NBEAL1: variants seen among roughly 807,000 people sequenced by gnomAD.
NBEAL1 encodes the protein neurobeachin-like protein 1.
NBEAL1 carries 273 observed loss-of-function variants against 351.3 expected under a neutral mutation model. The ratio of observed to expected loss-of-function variants is 0.78; its 90% CI spans 0.70 to 0.86. The LOEUF (loss-of-function observed/expected upper bound fraction) is 0.86, where lower values mean the gene tolerates loss of function less well. Ranked by LOEUF, NBEAL1 falls within the 40% of genes least tolerant of loss-of-function variation. NBEAL1 has a pLI of 0.00. For synonymous variants in NBEAL1, 1,050 were observed against 1,086.4 expected (o/e 0.97, Z 0.66); for missense variants, 2,961 against 3,201.3 (o/e 0.92, Z 1.81).
intron 34 of NBEAL1, among the ~76,000 whole-genome samples, chr2:203,150,431 T>G (rs1276807035): frequency 2.0e-5 from 3 of 151,868 alleles, no homozygotes; most frequent in African/African-American, 7.2e-5. Flanking sequence ...TAAGAATGTA[T>G]ATATAAATAT....
chr2:203,186,057 CA>C, intron 44 of NBEAL1, among the ~76,000 whole-genome samples: 1 of 152,148 alleles, frequency 6.6e-6, no homozygotes, highest in African/African-American at 2.4e-5. Context: ...AAGGAATTGG[CA>C]AATTGTTTCT....
chr2:203,142,888 G>GA (rs1389170178), intron 31 of NBEAL1, among the ~76,000 whole-genome samples: 1 of 152,118 alleles, frequency 6.6e-6, no homozygotes, highest in Non-Finnish European at 1.5e-5. Flanking sequence ...GAGCAGGGTA[G>GA]AGAAGTCAGA....
chr2:203,176,909 T>C (rs566740600), intron 42 of NBEAL1, among the ~76,000 whole-genome samples: 42 of 152,144 alleles, frequency 2.8e-4, no homozygotes, highest in South Asian at 1.0e-3. Flanking sequence ...CCCAACACTT[T>C]GGGAGGCCAG....
chr2:203,133,923 T>C (rs2063137058), intron 27 of NBEAL1, among the ~76,000 whole-genome samples: 1 of 152,026 alleles, frequency 6.6e-6, no homozygotes, highest in African/African-American at 2.4e-5. Context: ...TAAAGTATTA[T>C]CTGGTTCCTT....
chr2:203,096,119 A>G (rs1056236257), intron 10 of NBEAL1, among the ~76,000 whole-genome samples: 7 of 152,192 alleles, frequency 4.6e-5, no homozygotes, highest in Non-Finnish European at 1.5e-5. Flanking sequence ...GCTAGCGTGG[A>G]TTATGTCATT....
At position 203,136,019 on chromosome 2, in the gene NBEAL1, T is replaced by G. The variant is rs1175760260; in HGVS notation, c.4156T>G (p.Ser1386Ala). 1 of 1,613,620 alleles carries G rather than the reference T, an allele frequency of 6.2e-7. No homozygotes were observed. Residue 1386 changes from serine to alanine, a missense_variant, in exon 28 of 56, where the codon TCA becomes GCA. Ser to Ala is a moderately conservative substitution (Grantham distance 99, BLOSUM62 1). Coordinates refer to ENST00000683969, the MANE Select transcript of NBEAL1 (RefSeq NM_001378026.1). ...DSSVGELSFK[S>A]ENQEEFWHSN... ...CTCTGTGGGAGAATTGTCTTTCAAA[T>G]CAGAGAATCAAGAGGAATTCTGGCA... is the stretch of plus-strand genomic sequence containing the variant.
chr2:203,046,421 G>C (rs1161163182), intron 3 of NBEAL1, among the ~76,000 whole-genome samples: 2 of 151,976 alleles, frequency 1.3e-5, no homozygotes, highest in Non-Finnish European at 2.9e-5. Context: ...GTTTCACCGT[G>C]TTAGCCAAGA....
intron 34 of NBEAL1, among the ~76,000 whole-genome samples, chr2:203,151,145 A>G (rs1446741017): frequency 1.3e-5 from 2 of 152,180 alleles, no homozygotes; most frequent in Admixed American, 6.5e-5. Flanking sequence ...AGCCTGACCA[A>G]CATGGCAAAA....
chr2:203,066,996 C>A, intron 6 of NBEAL1, among the ~76,000 whole-genome samples: 1 of 146,276 alleles, frequency 6.8e-6, no homozygotes, highest in East Asian at 2.1e-4. Context: ...GCACTCCTCA[C>A]CTCCCAGACG....
chr2:203,118,411 C>T (rs751623160), intron 18 of NBEAL1, among the ~76,000 whole-genome samples: 47 of 152,154 alleles, frequency 3.1e-4, no homozygotes, highest in Admixed American at 2.0e-3. Context: ...TTTTTGTTTG[C>T]TTTGTATAAC....
intron 2 of NBEAL1, among the ~76,000 whole-genome samples, chr2:203,033,529 C>G (rs1019226299): frequency 6.6e-6 from 1 of 150,932 alleles, no homozygotes; most frequent in African/African-American, 2.5e-5. Context: ...ATAAATAGCT[C>G]TTTCTTCTGC....
At position 203,122,334 on chromosome 2, in the gene NBEAL1, G is replaced by A; in HGVS notation, c.2673G>A (p.Trp891Ter). 4.0e-6 allele frequency: 6 copies of A among 1,517,908 alleles called. No homozygotes were observed. Among genetic ancestry groups the A allele is most frequent in the Admixed American group, 2.1e-5 (1 of 48,628 alleles). 94.0% of individuals were successfully genotyped at this position (1,517,908 alleles called of 1,614,324 possible). ...GRLTGNKVVNWDIKDIINCIG... is the reference protein window; with the variant it reads ...GRLTGNKVVN ...TAACAGGAAACAAAGTAGTGAACTG[G>A]GACATTAAGGTAAATTAATAGTAAA... The change falls in exon 19 of 56, where the codon TGG becomes TGA. Residue 891 changes from tryptophan to a stop codon, truncating the protein, a stop_gained. Coordinates refer to ENST00000683969, the MANE Select transcript of NBEAL1 (RefSeq NM_001378026.1). LOFTEE classifies it high-confidence loss of function.
intron 8 of NBEAL1, among the ~76,000 whole-genome samples, chr2:203,079,902 T>G (rs535758403): frequency 1.3e-5 from 2 of 152,182 alleles, no homozygotes; most frequent in African/African-American, 4.8e-5. Context: ...TCTAGGGAAC[T>G]TTTAATCTTC....
chr2:203,068,395 G>A lies in NBEAL1; in HGVS notation c.518G>A (p.Arg173Gln), dbSNP rs530440261. The change falls in exon 7 of 56, where the codon CGA becomes CAA. Residue 173 changes from arginine (R) to glutamine (Q), a missense_variant and splice_region_variant. By Grantham distance (43) the Arg-to-Gln change is conservative. Transcript: ENST00000683969. ...YRNWRHRISG[R>Q]ILSTVEKSRQ... is the part of the protein sequence containing the mutation. The stretch of plus-strand genomic sequence containing the variant: ...TATTAACTTCTTTTTAATGATAGAC[G>A]AATCCTTAGTACTGTGGAAAAGAGC... The A allele has an allele frequency of 1.6e-4, 246 of 1,503,958 alleles. No homozygotes were observed. Among genetic ancestry groups the A allele is most frequent in the Non-Finnish European group, 2.0e-4 (228 of 1,118,136 alleles). 93.2% of individuals were successfully genotyped at this position (1,503,958 alleles called of 1,614,324 possible). A position where few individuals can be genotyped will look rare whatever the true frequency, so the allele number is the denominator to read the frequency against.
At chr2:203,051,322 C>A (rs774065921) in intron 4 of NBEAL1, among the ~76,000 whole-genome samples, 1 of 152,034 alleles carries the variant, frequency 6.6e-6, no homozygotes, top group Non-Finnish European at 1.5e-5. Context: ...GGAGGTGGAT[C>A]GCTTGAGGTC....
intron 49 of NBEAL1, among the ~76,000 whole-genome samples, chr2:203,200,770 C>T (rs772337812): frequency 5.3e-4 from 80 of 152,136 alleles, no homozygotes; most frequent in Non-Finnish European, 1.9e-4. Context: ...TATTTGAAAA[C>T]TATTTAAAAT....
chr2:203,064,244 G>A (rs2061545417), intron 6 of NBEAL1, among the ~76,000 whole-genome samples: 2 of 152,038 alleles, frequency 1.3e-5, no homozygotes, highest in Admixed American at 1.3e-4. Context: ...GTCAAGACAG[G>A]GTTTCACCAT....
rs2063292306 is a variant in NBEAL1, at chr2:203,138,885, GT to G, written c.4848+141del. On this transcript the variant is annotated intron_variant, in intron 31 of 55. Transcript: ENST00000683969. ...AAAAGTATCCATGATTTCATTTGGAGTTTTGAGGAGCTTGAGAGGCAGTTAA... is the reference window on the plus strand; with the variant it reads ...AAAAGTATCCATGATTTCATTTGGAGTTTGAGGAGCTTGAGAGGCAGTTAA... 3.6e-6 allele frequency: 3 copies of G among 825,144 alleles called. No individual in the cohort carries two copies. In the East Asian group the frequency reaches 8.6e-5, roughly 24 times the overall value. The allele number at this position is 825,144 out of a possible 1,614,324, so 51.1% of individuals were successfully genotyped here.
At chr2:203,071,043 A>G (rs2061673885) in intron 7 of NBEAL1, among the ~76,000 whole-genome samples, 1 of 152,156 alleles carries the variant, frequency 6.6e-6, no homozygotes, top group African/African-American at 2.4e-5. Flanking sequence ...GGATTATAGT[A>G]TATTATCCTT....
Sources: allele counts gnomAD v4.1 joint callset (sites outside exome capture counted in the v4.1 genomes callset), GRCh38; gene constraint gnomAD v4.1.1; transcripts MANE v1.5; gene names NCBI Gene and HGNC (gene_info 2026-07-23, HGNC 2026-07-21).